The following PIGK variants were observed in gnomAD, a reference collection of about 807,000 sequenced individuals.
The protein encoded by PIGK is phosphatidylinositol glycan anchor biosynthesis class K.
Under a neutral mutation model 50.6 loss-of-function variants are expected in PIGK, and 42 were observed. The observed-to-expected ratio is 0.83, with a 90% confidence interval of 0.65 to 1.07. The LOEUF (loss-of-function observed/expected upper bound fraction) is 1.07. Ranked by LOEUF, PIGK falls within the 50% of genes least tolerant of loss-of-function variation. The pLI, the probability that PIGK is intolerant of heterozygous loss-of-function variation, is 0.00. For missense variants in PIGK, 448 were observed against 488.7 expected, an observed-to-expected ratio of 0.92 and a Z score of 0.78; for synonymous variants, 151 against 156.0, an observed-to-expected ratio of 0.97 and a Z score of 0.24.
chr1:77,129,830 A>G (rs1489939452), intron 9 of PIGK, among the ~76,000 whole-genome samples: 1 of 152,140 alleles, frequency 6.6e-6, no homozygotes, highest in Non-Finnish European at 1.5e-5. Context: ...TAAGTTATGT[A>G]CATTTTAAAT....
intron 3 of PIGK, among the ~76,000 whole-genome samples, chr1:77,200,403 T>C (rs1454289437): frequency 6.6e-6 from 1 of 152,100 alleles, no homozygotes; most frequent in Admixed American, 6.6e-5. Flanking sequence ...TTATTTAATA[T>C]TAACTATTTT....
intron 2 of PIGK, among the ~76,000 whole-genome samples, chr1:77,209,578 C>T (rs377171733): frequency 2.6e-5 from 4 of 152,082 alleles, no homozygotes; most frequent in Non-Finnish European, 5.9e-5. Flanking sequence ...CATTCTTACA[C>T]TTAGGAATTT....
intron 3 of PIGK, among the ~76,000 whole-genome samples, chr1:77,191,305 T>G (rs1655898260): frequency 6.6e-6 from 1 of 152,204 alleles, no homozygotes; most frequent in Non-Finnish European, 1.5e-5. Flanking sequence ...TATCATAACT[T>G]AAACTACTAT....
chr1:77,207,717 T>A (rs1446705831), intron 2 of PIGK, among the ~76,000 whole-genome samples: 2 of 152,166 alleles, frequency 1.3e-5, no homozygotes, highest in Non-Finnish European at 2.9e-5. Flanking sequence ...TGGTAATATA[T>A]CTACCAAGTA....
chr1:77,118,420 T>G (rs1654026016), intron 10 of PIGK, among the ~76,000 whole-genome samples: 1 of 152,134 alleles, frequency 6.6e-6, no homozygotes. Flanking sequence ...ATGGTTTTTT[T>G]GTAGAGATGG....
chr1:77,120,689 ACCT>A (rs1654077727), intron 10 of PIGK, among the ~76,000 whole-genome samples: 1 of 152,168 alleles, frequency 6.6e-6, no homozygotes, highest in African/African-American at 2.4e-5. Flanking sequence ...ATTAACAATG[ACCT>A]GTCCTGACTA....
intron 3 of PIGK, 32 bp downstream of exon 3, chr1:77,206,608 G>A: frequency 8.6e-7 from 1 of 1,157,928 alleles, no homozygotes; most frequent in Non-Finnish European, 1.3e-6. Context: ...TTTCACTGAA[G>A]TTCAAGGTTA....
chr1:77,184,532 A>G (rs1655696809), intron 3 of PIGK, among the ~76,000 whole-genome samples: 2 of 152,190 alleles, frequency 1.3e-5, no homozygotes. Context: ...ATGATCAGAC[A>G]TTTCAGGAAC....
intron 3 of PIGK, among the ~76,000 whole-genome samples, chr1:77,173,152 A>G (rs1655405485): frequency 6.6e-6 from 1 of 152,186 alleles, no homozygotes; most frequent in African/African-American, 2.4e-5. Context: ...AGAAGCAGTG[A>G]AGTCTTACAG....
chr1:77,184,494 A>G (rs181004657), intron 3 of PIGK, among the ~76,000 whole-genome samples: 90 of 152,310 alleles, frequency 5.9e-4, no homozygotes, highest in African/African-American at 1.8e-3. Flanking sequence ...GCCCTTTACC[A>G]GAGTAACTGT....
chr1:77,133,080 T>A (rs1426688203), intron 9 of PIGK, among the ~76,000 whole-genome samples: 2 of 152,170 alleles, frequency 1.3e-5, no homozygotes, highest in Non-Finnish European at 2.9e-5. Flanking sequence ...ATGTTTATTA[T>A]CACTTTAAAT....
intron 10 of PIGK, among the ~76,000 whole-genome samples, chr1:77,105,889 A>G (rs1653658599): frequency 6.6e-6 from 1 of 152,222 alleles, no homozygotes; most frequent in Non-Finnish European, 1.5e-5. Flanking sequence ...AGAAACAAAA[A>G]TAAGAATGAC....
intron 2 of PIGK, among the ~76,000 whole-genome samples, chr1:77,207,557 G>A (rs554106012): frequency 6.6e-6 from 1 of 152,178 alleles, no homozygotes; most frequent in African/African-American, 2.4e-5. Flanking sequence ...GAACTCAAGA[G>A]AAAATTAGAA....
At position 77,139,893 on chromosome 1, in the gene PIGK, T is replaced by C. The variant is rs184838590; in HGVS notation, c.986+14556A>G. Among the ~76,000 whole-genome samples, 120 of 152,300 alleles carry C rather than the reference T, an allele frequency of 7.9e-4. 1 individual carries two copies. The highest frequency in any genetic ancestry group is 2.7e-3 in the African/African-American group (113 of 41,558). On this transcript the variant is annotated intron_variant, in intron 9 of 10. Transcript: ENST00000370812. The stretch of plus-strand genomic sequence containing the variant: ...TTAACTTCAAACCATCCCTCTAAAC[T>C]CATTTACATTAATTTTTTGTTCCGA...
Position 77,141,041 on chromosome 1 carries a change from T to A in PIGK, c.986+13408A>T, listed in dbSNP as rs181039675. 1.9e-3 allele frequency among the ~76,000 whole-genome samples: 288 copies of A among 152,248 alleles called. 6 individuals are homozygous for A. Among genetic ancestry groups the A allele is most frequent in the Non-Finnish European group, 1.0e-3 (68 of 68,004 alleles). On this transcript the variant is annotated intron_variant, in intron 9 of 10. Coordinates refer to ENST00000370812, the MANE Select transcript of PIGK (RefSeq NM_005482.3). ...GAAATATAAAATACTATTTTCTTGC[T>A]CCATCTCTCAATATACATGCTCTAA...
chr1:77,145,816 T>G (rs1444995353), intron 9 of PIGK, among the ~76,000 whole-genome samples: 1 of 151,944 alleles, frequency 6.6e-6, no homozygotes, highest in Non-Finnish European at 1.5e-5. Flanking sequence ...ACTACAATAA[T>G]CAAGAATGTA....
At chr1:77,099,835 T>C (rs1307808857) in intron 10 of PIGK, among the ~76,000 whole-genome samples, 1 of 150,516 alleles carries the variant, frequency 6.6e-6, no homozygotes, top group Non-Finnish European at 1.5e-5. Flanking sequence ...GGTACTCTAG[T>C]GACTGCCATT....
rs998624038 is a variant in PIGK, at chr1:77,112,475, C to T, written c.1071+9800G>A. ...CTTCTGGTAATGTTTTTGGTGGATC[C>T]CTGGATTTGAGTGATGTTAAGATAG... On this transcript the variant is annotated intron_variant, in intron 10 of 10. Coordinates refer to ENST00000370812, the MANE Select transcript of PIGK (RefSeq NM_005482.3). Among the ~76,000 whole-genome samples the T allele has an allele frequency of 3.3e-5, 5 of 151,858 alleles. No individual in the cohort carries two copies. The South Asian group carries it at 1.0e-3, about 32-fold the overall frequency.
chr1:77,160,230 A>T (rs536249196), intron 8 of PIGK, among the ~76,000 whole-genome samples: 1 of 152,166 alleles, frequency 6.6e-6, no homozygotes, highest in East Asian at 1.9e-4. Flanking sequence ...TTCTGCCATG[A>T]TTATGAAGCC....
Sources: gnomAD v4.1 joint callset for allele counts (sites outside exome capture counted in the v4.1 genomes callset) on GRCh38, gnomAD v4.1.1 for gene constraint, MANE v1.5 for transcripts, NCBI Gene and HGNC (gene_info 2026-07-23, HGNC 2026-07-21) for gene names.